MYO9A: variants seen among roughly 807,000 people sequenced by gnomAD.
The protein encoded by MYO9A is unconventional myosin-IXa.
Under a neutral mutation model 293.3 loss-of-function variants are expected in MYO9A, and 103 were observed. The ratio of observed to expected loss-of-function variants is 0.35; its 90% confidence interval spans 0.30 to 0.41. The LOEUF is 0.41. Among genes scored for constraint, MYO9A ranks in the 10% least tolerant of loss-of-function variants. The pLI, the probability that MYO9A is intolerant of heterozygous loss-of-function variation, is 1.00. For synonymous variants in MYO9A, 1,001 were observed against 1,035.7 expected (o/e 0.97, Z 0.64); for missense variants, 2,685 against 3,033.0 (o/e 0.89, Z 2.69).
At chr15:72,085,468 T>C (rs2079689014) in intron 1 of MYO9A, among the ~76,000 whole-genome samples, 1 of 152,140 alleles carries the variant, frequency 6.6e-6, no homozygotes, top group African/African-American at 2.4e-5. Context: ...TTTCAGCTCA[T>C]TCGGGTTGGT....
intron 1 of MYO9A, among the ~76,000 whole-genome samples, chr15:72,069,008 TG>T (rs1017385489): frequency 2.6e-5 from 4 of 152,196 alleles, no homozygotes; most frequent in African/African-American, 9.7e-5. Context: ...GGCCAGTACA[TG>T]GCAGAGCTAG....
At chr15:71,851,418 C>G (rs1432773512) in intron 36 of MYO9A, 60 bp from the exon 37 acceptor site, 3 of 1,315,654 alleles carry the variant, frequency 2.3e-6, no homozygotes, top group Non-Finnish European at 1.1e-6. Context: ...GTGTATCTTC[C>G]TCCCAGACAC....
At chr15:72,009,458 C>T (rs2077111765) in intron 7 of MYO9A, among the ~76,000 whole-genome samples, 1 of 151,984 alleles carries the variant, frequency 6.6e-6, no homozygotes, top group African/African-American at 2.4e-5. Context: ...GGCGCAGTGG[C>T]TCATGCTGGT....
intron 6 of MYO9A, among the ~76,000 whole-genome samples, chr15:72,015,121 G>C (rs2077292920): frequency 6.6e-6 from 1 of 151,192 alleles, no homozygotes; most frequent in African/African-American, 2.4e-5. Flanking sequence ...GGGATTACAA[G>C]CGTGACCCAC....
intron 4 of MYO9A, among the ~76,000 whole-genome samples, chr15:72,023,430 C>A (rs574765375): frequency 1.3e-5 from 2 of 151,988 alleles, no homozygotes; most frequent in Admixed American, 1.3e-4. Flanking sequence ...AGGCAGCTCA[C>A]GCTTATAACC....
chr15:72,110,307 G>A (rs1468998291), intron 1 of MYO9A, among the ~76,000 whole-genome samples: 11 of 149,504 alleles, frequency 7.4e-5, no homozygotes, highest in African/African-American at 9.8e-5. Context: ...ACGGTGGCAG[G>A]CACCTGTAAT....
rs776368323 is a variant in MYO9A, at chr15:71,848,855, C to T, written c.6827G>A (p.Arg2276His). ...NKAKTRLSLI[R>H]RSMGKGRIRR... ...TGTGTTGCATCTTACCATTGATCTA[C>T]GAATCAGTGACAACCTGGTCTTTGC... The change falls in exon 39 of 42, where the codon CGT becomes CAT. Residue 2276 changes from arginine (R) to histidine (H), a missense_variant. Arg to His is a conservative substitution (Grantham distance 29). Around this residue, in one of 10 missense-constraint regions of MYO9A, gnomAD observed 350 missense variants for 328.9 expected, o/e 1.06. Transcript: ENST00000356056. 6.2e-6 allele frequency: 10 copies of T among 1,603,188 alleles called. No homozygotes were observed. The highest frequency in any genetic ancestry group is 2.7e-5 in the African/African-American group (2 of 74,312).
intron 19 of MYO9A, among the ~76,000 whole-genome samples, chr15:71,913,034 G>T (rs1251469428): frequency 6.6e-6 from 1 of 151,152 alleles, no homozygotes; most frequent in Non-Finnish European, 1.5e-5. Context: ...CATCAAATCA[G>T]AAAATATTTT....
chr15:71,877,725 T>C (rs1269203102), intron 31 of MYO9A, among the ~76,000 whole-genome samples: 1 of 152,220 alleles, frequency 6.6e-6, no homozygotes, highest in Non-Finnish European at 1.5e-5. Flanking sequence ...CCCAAAGTGC[T>C]GGGATTACAG....
In MYO9A at chr15:71,880,394, C is replaced by A; in HGVS notation, c.5563G>T (p.Val1855Phe). The change falls in exon 29 of 42, where the codon GTC (valine) becomes TTC (phenylalanine). Residue 1855 changes from valine (V) to phenylalanine (F), a missense_variant. Val to Phe is a conservative substitution (Grantham distance 50). Around this residue, in one of 10 missense-constraint regions of MYO9A, gnomAD observed 1,434 missense variants for 1,497.7 expected, o/e 0.96. Transcript: ENST00000356056. The part of the protein sequence containing the change: ...LDSMHWQNDS[V>F]QIIASVSDLK... ...TCACTGACACTTGCTATGATCTGGA[C>A]AGAGTCATTTTGCCAATGCATAGAA... is the stretch of plus-strand genomic sequence containing the variant. 1.2e-6 allele frequency: 2 copies of A among 1,614,218 alleles called. No individual in the cohort carries two copies. The highest frequency in any genetic ancestry group is 8.5e-7 in the Non-Finnish European group (1 of 1,180,024).
intron 11 of MYO9A, 50 bp from the exon 12 acceptor site, chr15:71,978,342 AG>A: frequency 6.6e-7 from 1 of 1,516,094 alleles, no homozygotes; most frequent in Non-Finnish European, 9.0e-7. Context: ...TGCAGAAAAT[AG>A]GTATATAATA....
At chr15:72,009,834 A>G (rs2077122522) in intron 7 of MYO9A, among the ~76,000 whole-genome samples, 1 of 152,186 alleles carries the variant, frequency 6.6e-6, no homozygotes, top group African/African-American at 2.4e-5. Context: ...AATTTTAAAT[A>G]ATTTGTTTCA....
At chr15:72,100,798 G>A (rs1265173757) in intron 1 of MYO9A, among the ~76,000 whole-genome samples, 2 of 149,414 alleles carry the variant, frequency 1.3e-5, no homozygotes, top group East Asian at 2.0e-4. Context: ...GAGCCTCTCC[G>A]CCCGGCAGCC....
chr15:71,882,865 T>C (rs1181700002), intron 28 of MYO9A, among the ~76,000 whole-genome samples: 1 of 152,162 alleles, frequency 6.6e-6, no homozygotes, highest in Non-Finnish European at 1.5e-5. Flanking sequence ...AGTGCAGTGG[T>C]GTGATCACAG....
At chr15:72,016,486 A>T (rs1011334611) in intron 6 of MYO9A, among the ~76,000 whole-genome samples, 8 of 152,230 alleles carry the variant, frequency 5.3e-5, no homozygotes, top group African/African-American at 1.9e-4. Flanking sequence ...GACCATTTAT[A>T]CAATTCCACG....
chr15:72,042,321 G>A (rs1285088645), intron 2 of MYO9A, among the ~76,000 whole-genome samples: 2 of 151,912 alleles, frequency 1.3e-5, no homozygotes, highest in Non-Finnish European at 2.9e-5. Flanking sequence ...GCAACACTGT[G>A]GGATCCACTC....
chr15:71,936,638 AAAG>A (rs1170595843), intron 16 of MYO9A, among the ~76,000 whole-genome samples: 1 of 152,152 alleles, frequency 6.6e-6, no homozygotes, highest in Non-Finnish European at 1.5e-5. Flanking sequence ...AAATTTTTTA[AAAG>A]AAGTATCAGG....
At position 71,867,198 on chromosome 15, in the gene MYO9A, T is replaced by C. The variant is rs117288067; in HGVS notation, c.5980-4587A>G. Among the ~76,000 whole-genome samples, 945 of 152,212 alleles carry C rather than the reference T, an allele frequency of 6.2e-3. 46 individuals carry two copies. The highest frequency in any genetic ancestry group is 0.055 in the Admixed American group (845 of 15,282). On this transcript the variant is annotated intron_variant, in intron 32 of 41. Coordinates refer to ENST00000356056, the MANE Select transcript of MYO9A (RefSeq NM_006901.4). ...TTAAAATAAATGATGTTGGTAGCCATTGATAAGAGGCAAAATTAGATTCAT... is the reference window on the plus strand; with the variant it reads ...TTAAAATAAATGATGTTGGTAGCCACTGATAAGAGGCAAAATTAGATTCAT...
chr15:71,983,503 G>T (rs2148071236), intron 11 of MYO9A, among the ~76,000 whole-genome samples: 1 of 107,772 alleles, frequency 9.3e-6, no homozygotes, highest in East Asian at 2.9e-4. Flanking sequence ...TTGAGATGGA[G>T]TCTCGCTCTG....
Sources: gnomAD v4.1 joint callset for allele counts (sites outside exome capture counted in the v4.1 genomes callset) on GRCh38, gnomAD v4.1.1 for gene constraint, gnomAD v4.1.1 regional missense constraint, MANE v1.5 for transcripts, NCBI Gene and HGNC (gene_info 2026-07-23, HGNC 2026-07-21) for gene names.